Variants in ERAP1 observed in about 807,000 individuals in gnomAD.
ERAP1 encodes endoplasmic reticulum aminopeptidase 1.
A neutral mutation model predicts 103.7 loss-of-function variants in ERAP1; 86 were observed. That is an observed-to-expected ratio of 0.83 (90% CI 0.70 to 0.99). The LOEUF (loss-of-function observed/expected upper bound fraction) is 0.99, where lower values mean the gene tolerates loss of function less well. Among genes scored for constraint, ERAP1 ranks in the 50% least tolerant of loss-of-function variants. ERAP1 has a pLI of 0.00. For synonymous variants in ERAP1, 398 were observed against 402.4 expected (o/e 0.99, Z 0.13); for missense variants, 1,009 against 1,128.4 (o/e 0.89, Z 1.52).
At chr5:96,874,993 T>C in the ERAP1 span, among the ~76,000 whole-genome samples, 2 of 152,214 alleles carry the variant, frequency 1.3e-5, no homozygotes, top group African/African-American at 4.8e-5. Context: ...TAGGCCACTA[T>C]GGTTCCCACA....
chr5:96,834,541 T>A, the ERAP1 span, among the ~76,000 whole-genome samples: 2 of 152,214 alleles, frequency 1.3e-5, no homozygotes, highest in Non-Finnish European at 2.9e-5. Context: ...CTGAGTTTGA[T>A]GTATGTGAAC....
chr5:96,833,895 C>A, the ERAP1 span, among the ~76,000 whole-genome samples: 7 of 151,872 alleles, frequency 4.6e-5, no homozygotes, highest in Admixed American at 3.9e-4. Flanking sequence ...TTTTCCTGTC[C>A]ACGTATCTTT....
At chr5:96,831,701 G>A in the ERAP1 span, among the ~76,000 whole-genome samples, 1 of 152,300 alleles carries the variant, frequency 6.6e-6, no homozygotes, top group Admixed American at 6.5e-5. Flanking sequence ...CCTAGGAATA[G>A]CATCTGTCTG....
At chr5:96,842,311 G>T in the ERAP1 span, among the ~76,000 whole-genome samples, 234 of 152,254 alleles carry the variant, frequency 1.5e-3, 1 homozygote, top group African/African-American at 5.5e-3. Flanking sequence ...CCAGTAGTAG[G>T]ATTGCTGGAT....
the ERAP1 span, chr5:96,889,177 T>A: frequency 6.2e-7 from 1 of 1,613,862 alleles, no homozygotes. Flanking sequence ...CTGATCCACA[T>A]TTCCCAGGTG....
the ERAP1 span, among the ~76,000 whole-genome samples, chr5:96,825,842 CA>C: frequency 2.4e-5 from 3 of 126,324 alleles, no homozygotes; most frequent in African/African-American, 8.9e-5. Context: ...CCATCAATTT[CA>C]AAGGTGTTTA....
At chr5:96,780,373 C>A (rs779006088) in intron 18 of ERAP1, 50 bp downstream of exon 18, 1 of 1,337,112 alleles carries the variant, frequency 7.5e-7, no homozygotes, top group South Asian at 1.4e-5. Context: ...TATTAATTAG[C>A]TAATTTTCAT....
chr5:96,785,598 T>G (rs1775888332), intron 13 of ERAP1, 190 bp downstream of exon 13: 3 of 623,182 alleles, frequency 4.8e-6, no homozygotes, highest in South Asian at 3.7e-5. Flanking sequence ...TTCCTTCAAG[T>G]GCCTTAGTAG....
chr5:96,848,681 C>T, the ERAP1 span: 2 of 152,148 alleles, frequency 1.3e-5, no homozygotes, highest in Non-Finnish European at 2.9e-5. Context: ...GAGATGGCTT[C>T]ATGGCTGAAT....
chr5:96,878,562 G>T, the ERAP1 span, among the ~76,000 whole-genome samples: 1 of 152,170 alleles, frequency 6.6e-6, no homozygotes, highest in African/African-American at 2.4e-5. Flanking sequence ...GGGAGGCTGA[G>T]ACATCAGGAT....
At chr5:96,919,159 T>C in the ERAP1 span, 1 of 152,212 alleles carries the variant, frequency 6.6e-6, no homozygotes, top group Non-Finnish European at 1.5e-5. Context: ...TCAATCCACT[T>C]TGGAGCAATA....
At chr5:96,776,678 C>G (rs1442410020) in intron 18 of ERAP1, 127 bp from the exon 19 acceptor site, 1 of 1,357,198 alleles carries the variant, frequency 7.4e-7, no homozygotes, top group African/African-American at 1.4e-5. Context: ...TCCCAGCTGT[C>G]TGAATAGGAT....
intron 3 of ERAP1, among the ~76,000 whole-genome samples, chr5:96,798,196 G>A (rs1330096288): frequency 6.6e-6 from 1 of 151,822 alleles, no homozygotes; most frequent in Non-Finnish European, 1.5e-5. Flanking sequence ...GTGGTGGCAG[G>A]TGCCTGTAGT....
intron 19 of ERAP1, chr5:96,768,552 T>C (rs1003195483): frequency 5.6e-6 from 2 of 355,230 alleles, no homozygotes; most frequent in African/African-American, 2.2e-5. Flanking sequence ...AGTCCACTTA[T>C]AAAACACTGC....
the ERAP1 span, among the ~76,000 whole-genome samples, chr5:96,898,007 G>A: frequency 6.6e-6 from 1 of 152,128 alleles, no homozygotes; most frequent in African/African-American, 2.4e-5. Flanking sequence ...GACCAGCCTG[G>A]CCAATTCGTG....
rs1390791553 is a variant in ERAP1 at position 96,807,879 on chromosome 5, C to G, written c.-37G>C. The G allele has an allele frequency of 2.0e-6, 2 of 986,322 alleles. No homozygotes were observed. The highest frequency in any genetic ancestry group is 1.2e-6 in the Non-Finnish European group (1 of 830,700). The allele number at this position is 986,322 out of a possible 1,614,324, so 61.1% of individuals were successfully genotyped here. ...CTGTACCTGGGGTTCTGGGGCCGCC[C>G]TCACCCTTGCGCCGCCGCCACCACC... On this transcript the variant is annotated 5_prime_UTR_variant, in exon 1 of 19. Coordinates refer to ENST00000443439, the MANE Select transcript of ERAP1 (RefSeq NM_001040458.3).
chr5:96,881,634 T>C, the ERAP1 span, among the ~76,000 whole-genome samples: 27 of 152,214 alleles, frequency 1.8e-4, no homozygotes, highest in Non-Finnish European at 3.2e-4. Context: ...ATTGCTATAG[T>C]GCTGTTCAGA....
At chr5:96,922,701 C>G in the ERAP1 span, among the ~76,000 whole-genome samples, 1 of 152,220 alleles carries the variant, frequency 6.6e-6, no homozygotes, top group African/African-American at 2.4e-5. Context: ...GAGTTAACTT[C>G]ACTCACACTC....
At chr5:96,774,412 G>C (rs1229288247), downstream of ERAP1, 2 of 629,986 alleles carry the variant, frequency 3.2e-6, no homozygotes, top group Non-Finnish European at 4.0e-6. Context: ...AATAACTGGA[G>C]TAAGCTACAG....
Sources: allele counts gnomAD v4.1 joint callset (sites outside exome capture counted in the v4.1 genomes callset), GRCh38; gene constraint gnomAD v4.1.1; transcripts MANE v1.5; gene names NCBI Gene and HGNC (gene_info 2026-07-23, HGNC 2026-07-21).